ATP2A3: variants seen among roughly 807,000 people sequenced by gnomAD.
ATP2A3 encodes the protein ATPase sarcoplasmic/endoplasmic reticulum Ca2+ transporting 3, also known as sarcoplasmic/endoplasmic reticulum calcium ATPase 3.
In ATP2A3, 61 loss-of-function variants were observed where a neutral mutation model predicts 106.8. That is an observed-to-expected ratio of 0.57 (90% CI 0.46 to 0.71). The LOEUF (loss-of-function observed/expected upper bound fraction) is 0.71. Among genes scored for constraint, ATP2A3 ranks in the 30% least tolerant of loss-of-function variants. The pLI is 0.00. For synonymous variants in ATP2A3, 611 were observed against 609.3 expected, an observed-to-expected ratio of 1.00 and a Z score of -0.04; for missense variants, 1,201 against 1,423.5, an observed-to-expected ratio of 0.84 and a Z score of 2.52.
rs772856455 is a variant in ATP2A3, at chr17:3,950,610, C to CA, written c.545-15dup. 6.2e-6 allele frequency: 10 copies of CA among 1,614,002 alleles called. No homozygotes were observed. In the Admixed American group the frequency reaches 1.7e-4, roughly 27 times the overall value. On this transcript the variant is annotated splice_polypyrimidine_tract_variant and intron_variant, in intron 6 of 20. Coordinates refer to ENST00000397041, the MANE Select transcript of ATP2A3 (RefSeq NM_005173.4). ...ACACAGATTCACCTGGTCAGGGAAT[C>CA]AGAGATGAGAAGCCCCACATGAAGA...
intron 15 of ATP2A3, chr17:3,937,115 G>A (rs986696882): frequency 3.8e-5 from 18 of 475,160 alleles, no homozygotes; most frequent in Admixed American, 1.0e-4. Context: ...TAAAGGTGGG[G>A]CTTTTCTCTC....
Position 3,953,615 on chromosome 17 carries a change from A to G in ATP2A3, c.136+78T>C, listed in dbSNP as rs2054582758. 6.5e-7 allele frequency: 1 copy of G among 1,544,802 alleles called. No individual in the cohort carries two copies. Among genetic ancestry groups the G allele is most frequent in the Non-Finnish European group, 8.8e-7 (1 of 1,139,424 alleles). ...CAGCAAGGCCTCACTCAGCGGGGAG[A>G]AGGAAGTCATGACCAGACAGAGAAC... On this transcript the variant is annotated intron_variant, in intron 2 of 20. Transcript: ENST00000397041. This position sits in a 1 kb window ranked among gnomAD's most constrained non-coding sequence, Gnocchi z 5.1.
Position 3,928,167 on chromosome 17 carries a change from C to T in ATP2A3, c.2980+496G>A. On this transcript the variant is annotated intron_variant, in intron 20 of 20. Coordinates refer to ENST00000397041, the MANE Select transcript of ATP2A3 (RefSeq NM_005173.4). This position sits in a 1 kb window ranked among gnomAD's most constrained non-coding sequence, Gnocchi z 6.1. Reference sequence around the variant, plus strand: ...TGTCCTCTCCACTCCGGGGTTAAGGCAGACCCAGAGCTGTGAGCTCAGAAA... The same window carrying T: ...TGTCCTCTCCACTCCGGGGTTAAGGTAGACCCAGAGCTGTGAGCTCAGAAA... The T allele has an allele frequency of 6.2e-7, 1 of 1,604,290 alleles. No individual in the cohort carries two copies. Among genetic ancestry groups the T allele is most frequent in the Admixed American group, 1.7e-5 (1 of 59,992 alleles).
intron 9 of ATP2A3, 94 bp downstream of exon 9, chr17:3,944,966 C>CA (rs2054021883): frequency 6.8e-6 from 9 of 1,318,284 alleles, no homozygotes; most frequent in Non-Finnish European, 8.9e-6. Context: ...CCTCCTGGCC[C>CA]GCCCCCAGGG....
At position 3,951,568 on chromosome 17, in the gene ATP2A3, C is replaced by G. The variant is rs772356602; in HGVS notation, c.324+13G>C. On this transcript the variant is annotated intron_variant, in intron 4 of 20. Transcript: ENST00000397041. ...ACCGCCCCCCGCCCGGTCCCACCCCCAGTGCCTCCCACCTGCCACACGCCC... is the reference window on the plus strand; with the variant it reads ...ACCGCCCCCCGCCCGGTCCCACCCCGAGTGCCTCCCACCTGCCACACGCCC... 13 of 1,567,132 alleles carry G rather than the reference C, an allele frequency of 8.3e-6. No homozygotes were observed. Among genetic ancestry groups the G allele is most frequent in the Non-Finnish European group, 1.1e-5 (13 of 1,156,470 alleles).
Position 3,935,281 on chromosome 17 carries a change from C to T in ATP2A3, c.2525-4G>A, listed in dbSNP as rs745953786. On this transcript the variant is annotated splice_region_variant and splice_polypyrimidine_tract_variant and intron_variant, in intron 16 of 20. Coordinates refer to ENST00000397041, the MANE Select transcript of ATP2A3 (RefSeq NM_005173.4). ...ACTGTGGCCAGGCCTACGTACACTG[C>T]GGGGAAGGGAGGAGACCGGCTGTAG... 7.4e-6 allele frequency: 12 copies of T among 1,613,128 alleles called. No individual in the cohort carries two copies. In the Admixed American group the frequency reaches 1.5e-4, roughly 20 times the overall value.
intron 12 of ATP2A3, among the ~76,000 whole-genome samples, chr17:3,941,924 A>C (rs544311071): frequency 1.3e-5 from 2 of 152,318 alleles, no homozygotes; most frequent in South Asian, 2.1e-4. Flanking sequence ...AGCCCACAGC[A>C]GACTCGGGCA....
chr17:3,951,546 G>GCCCCCCCCCCCCGGACCC, intron 4 of ATP2A3, 35 bp downstream of exon 4: 3 of 1,319,566 alleles, frequency 2.3e-6, no homozygotes, highest in Non-Finnish European at 3.1e-6. Context: ...CTGGGAGACC[G>GCCCCCCCCCCCCGGACCC]CCCCCCGCCC....
In ATP2A3 at chr17:3,964,228, C is replaced by T; in HGVS notation, c.64G>A (p.Gly22Ser). 7.8e-7 allele frequency: 1 copy of T among 1,281,368 alleles called. No individual in the cohort carries two copies. Among genetic ancestry groups the T allele is most frequent in the East Asian group, 4.1e-5 (1 of 24,138 alleles). 79.4% of individuals were successfully genotyped at this position (1,281,368 alleles called of 1,614,324 possible). ...VLRHFSVTAE[G>S]GLSPAQVTGA... The stretch of plus-strand genomic sequence containing the variant: ...GTCACCTGCGCCGGGCTCAGGCCGC[C>T]CTCGGCTGTCACCGAGAAGTGGCGC... The change falls in exon 1 of 21, where the codon GGC (glycine) becomes AGC (serine). Residue 22 changes from glycine (G) to serine (S), a missense_variant. Physicochemically the swap from Gly to Ser is moderately conservative, Grantham distance 56. Transcript: ENST00000397041.
chr17:3,941,321 C>T lies in ATP2A3; in HGVS notation c.1765-15G>A, dbSNP rs1180695651. 1.2e-6 allele frequency: 2 copies of T among 1,613,768 alleles called. No homozygotes were observed. Among genetic ancestry groups the T allele is most frequent in the South Asian group, 2.2e-5 (2 of 91,076 alleles). On this transcript the variant is annotated splice_polypyrimidine_tract_variant and intron_variant, in intron 13 of 20. Coordinates refer to ENST00000397041, the MANE Select transcript of ATP2A3 (RefSeq NM_005173.4). ...GTCAGGTCCGTCTGTAGGGAGGGGG[C>T]AGATTCAAGCGGGGCCTGAGCCCAT...
Position 3,926,675 on chromosome 17 carries a change from T to C in ATP2A3, c.2981-1234A>G, listed in dbSNP as rs1342967876. Among the ~76,000 whole-genome samples, 1 of 152,200 alleles carries C rather than the reference T, an allele frequency of 6.6e-6. No individual in the cohort carries two copies. Among genetic ancestry groups the C allele is most frequent in the Non-Finnish European group, 1.5e-5 (1 of 68,038 alleles). ...ACCTCCACCTCCCAGGTTCAAGTGA[T>C]TCTCCTGCCTCAGCCTCCCGAGTAG... On this transcript the variant is annotated intron_variant, in intron 20 of 20. Transcript: ENST00000397041. This position sits in a 1 kb window ranked among gnomAD's most constrained non-coding sequence, Gnocchi z 4.6.
chr17:3,932,359 G>C (rs887778061), intron 17 of ATP2A3, among the ~76,000 whole-genome samples: 2 of 151,928 alleles, frequency 1.3e-5, no homozygotes, highest in African/African-American at 4.8e-5. Context: ...GGCTAGGCTG[G>C]TCTCGATCTC....
chr17:3,949,492 C>T (rs1469665525), intron 7 of ATP2A3, among the ~76,000 whole-genome samples: 1 of 152,206 alleles, frequency 6.6e-6, no homozygotes, highest in Admixed American at 6.5e-5. Context: ...AGACCTCCTT[C>T]CTCTAGAGCA....
In ATP2A3 at chr17:3,930,009, T is replaced by C. The variant is rs1228581600; in HGVS notation, c.2744+292A>G. Reference sequence around the variant, plus strand: ...CCTAGACCCCAGTCTGGGATGCTCTTGACCTCTGGACCCCAATCCTGGACC... The same window carrying C: ...CCTAGACCCCAGTCTGGGATGCTCTCGACCTCTGGACCCCAATCCTGGACC... On this transcript the variant is annotated intron_variant, in intron 18 of 20. Transcript: ENST00000397041. The surrounding 1 kb of genome is among the most constrained non-coding windows in gnomAD (Gnocchi z 5.4). Among the ~76,000 whole-genome samples the C allele has an allele frequency of 6.8e-6, 1 of 146,158 alleles. No individual in the cohort carries two copies. Among genetic ancestry groups the C allele is most frequent in the Non-Finnish European group, 1.5e-5 (1 of 66,938 alleles).
intron 15 of ATP2A3, 83 bp downstream of exon 15, chr17:3,937,333 G>T (rs553830741): frequency 6.9e-7 from 1 of 1,454,328 alleles, no homozygotes; most frequent in Non-Finnish European, 9.4e-7. Flanking sequence ...TCCCTGCAGC[G>T]CATCCGAGGA....
chr17:3,930,198 G>A lies in ATP2A3; in HGVS notation c.2744+103C>T, dbSNP rs1004212148. 9.7e-6 allele frequency: 11 copies of A among 1,133,760 alleles called. No homozygotes were observed. Among genetic ancestry groups the A allele is most frequent in the South Asian group, 1.9e-5 (1 of 53,680 alleles). The allele number at this position is 1,133,760 out of a possible 1,614,324, so 70.2% of individuals were successfully genotyped here. On this transcript the variant is annotated intron_variant, in intron 18 of 20. Transcript: ENST00000397041. The surrounding 1 kb of genome is among the most constrained non-coding windows in gnomAD (Gnocchi z 5.4). ...CCTCGGCCCCAGCTCCAGGCCCTGC[G>A]CCCAGCCCACCTGGACCCCTGACCC...
At chr17:3,951,882 C>G (rs547317792) in intron 3 of ATP2A3, among the ~76,000 whole-genome samples, 197 bp from the exon 4 acceptor site, 79 of 152,220 alleles carry the variant, frequency 5.2e-4, no homozygotes, top group Non-Finnish European at 9.4e-4. Flanking sequence ...CCACCCCACC[C>G]AGGCCAACCT....
At chr17:3,960,766 CA>C (rs1180698770) in intron 1 of ATP2A3, among the ~76,000 whole-genome samples, 2 of 152,220 alleles carry the variant, frequency 1.3e-5, no homozygotes, top group Non-Finnish European at 2.9e-5. Context: ...ACCAGCCGTT[CA>C]GTCGGCACAA....
Position 3,944,805 on chromosome 17 carries a change from G to T in ATP2A3, c.1186C>A (p.Arg396=), listed in dbSNP as rs770083669. The T allele has an allele frequency of 8.1e-6, 13 of 1,607,720 alleles. No individual in the cohort carries two copies. The African/African-American group carries it at 1.3e-4, about 17-fold the overall frequency. ...CAGCGCACAGGCTGATCCCCCTGCC[G>T]CCTGCGGAGCCGGGGCGGTCACCAG... ...GTTYTPEGEV[R]QGDQPVRCGQ... Residue 396 remains arginine, a splice_region_variant and synonymous_variant, in exon 10 of 21, where the codon CGG becomes AGG. Transcript: ENST00000397041.
Sources: allele counts gnomAD v4.1 joint callset (sites outside exome capture counted in the v4.1 genomes callset), GRCh38; gene constraint gnomAD v4.1.1; non-coding constraint Gnocchi (gnomAD v3.1); transcripts MANE v1.5; gene names NCBI Gene and HGNC (gene_info 2026-07-23, HGNC 2026-07-21).